PALM2AKAP2: variants seen among roughly 807,000 people sequenced by gnomAD.
PALM2AKAP2 encodes PALM2 and AKAP2 fusion.
Under a neutral mutation model 71.5 loss-of-function variants are expected in PALM2AKAP2, and 37 were observed. The observed-to-expected ratio is 0.52, with a 90% CI of 0.40 to 0.68. PALM2AKAP2 has a LOEUF of 0.68. Among genes scored for constraint, PALM2AKAP2 ranks in the 30% least tolerant of loss-of-function variants. The pLI is 0.00. For missense variants in PALM2AKAP2, 1,224 were observed against 1,191.8 expected, an observed-to-expected ratio of 1.03 and a Z score of -0.40; for synonymous variants, 468 against 478.8, an observed-to-expected ratio of 0.98 and a Z score of 0.29.
chr9:109,896,209 G>T (rs968045140), intron 3 of PALM2AKAP2, among the ~76,000 whole-genome samples: 1 of 151,788 alleles, frequency 6.6e-6, no homozygotes, highest in African/African-American at 2.4e-5. Context: ...AAAAGAAAAA[G>T]AAACCATTAG....
intron 1 of PALM2AKAP2, among the ~76,000 whole-genome samples, chr9:110,082,522 A>G (rs1409409129): frequency 1.3e-5 from 2 of 152,214 alleles, no homozygotes; most frequent in Non-Finnish European, 2.9e-5. Context: ...ACGTACAATA[A>G]AGTTTAGAAC....
intron 1 of PALM2AKAP2, among the ~76,000 whole-genome samples, chr9:109,751,881 C>T (rs1828890681): frequency 6.6e-6 from 1 of 152,032 alleles, no homozygotes; most frequent in South Asian, 2.1e-4. Context: ...ATAGCTATTC[C>T]CAAGGATACC....
At chr9:109,806,960 G>A (rs1348677858) in intron 1 of PALM2AKAP2, among the ~76,000 whole-genome samples, 1 of 152,174 alleles carries the variant, frequency 6.6e-6, no homozygotes, top group Non-Finnish European at 1.5e-5. Flanking sequence ...GGTGAGCTGA[G>A]TTAGTAAGGA....
At chr9:109,772,601 A>G in intron 1 of PALM2AKAP2, among the ~76,000 whole-genome samples, 1 of 152,208 alleles carries the variant, frequency 6.6e-6, no homozygotes. Context: ...TTAGATATGT[A>G]GATCAGAATG....
intron 1 of PALM2AKAP2, among the ~76,000 whole-genome samples, chr9:109,850,473 G>T (rs1828979882): frequency 6.6e-6 from 1 of 152,036 alleles, no homozygotes; most frequent in East Asian, 1.9e-4. Flanking sequence ...TATCACCCAT[G>T]TCCTTGGGTT....
chr9:109,900,490 T>C (rs761769541), intron 3 of PALM2AKAP2, among the ~76,000 whole-genome samples: 1 of 152,194 alleles, frequency 6.6e-6, no homozygotes, highest in Non-Finnish European at 1.5e-5. Flanking sequence ...CTCAAGATAG[T>C]AGAAATTCAA....
intron 1 of PALM2AKAP2, among the ~76,000 whole-genome samples, chr9:109,774,946 T>C (rs1829327748): frequency 6.6e-6 from 1 of 152,236 alleles, no homozygotes; most frequent in Non-Finnish European, 1.5e-5. Context: ...CTTTTGTCAT[T>C]AACAGGACTA....
chr9:109,799,329 C>A (rs746047293), intron 1 of PALM2AKAP2, among the ~76,000 whole-genome samples: 3 of 152,208 alleles, frequency 2.0e-5, no homozygotes, highest in African/African-American at 7.2e-5. Context: ...CTGAGAGCCA[C>A]TGAAGACCTG....
intron 1 of PALM2AKAP2, among the ~76,000 whole-genome samples, chr9:110,065,995 G>T (rs1409593505): frequency 1.3e-5 from 2 of 152,112 alleles, no homozygotes; most frequent in Non-Finnish European, 2.9e-5. Context: ...TCTTGCCCTT[G>T]TTTTTGAGAG....
intron 1 of PALM2AKAP2, among the ~76,000 whole-genome samples, chr9:109,688,950 G>T (rs1363027325): frequency 2.6e-5 from 4 of 152,124 alleles, no homozygotes; most frequent in African/African-American, 9.7e-5. Flanking sequence ...GTGAGTTTGA[G>T]ACTCCAGTTG....
chr9:109,933,145 A>G (rs566503081), intron 6 of PALM2AKAP2, among the ~76,000 whole-genome samples: 2 of 152,372 alleles, frequency 1.3e-5, no homozygotes, highest in South Asian at 2.1e-4. Context: ...TGTAAGTGGT[A>G]TCTGGTCAAT....
rs182051098 is a variant in PALM2AKAP2, at chr9:109,920,802, A to G, written c.258-2933A>G. 3.6e-3 allele frequency among the ~76,000 whole-genome samples: 547 copies of G among 151,540 alleles called. 4 individuals are homozygous for G. The highest frequency in any genetic ancestry group is 0.013 in the African/African-American group (527 of 40,968). On this transcript the variant is annotated intron_variant, in intron 3 of 9. Transcript: ENST00000302798. ...ATGCCTGTAATCACACCTCAAATAA[A>G]TAAATAAATAAATAAATAAAACCTG...
At chr9:109,686,371 G>C (rs1490436770) in intron 1 of PALM2AKAP2, among the ~76,000 whole-genome samples, 1 of 152,216 alleles carries the variant, frequency 6.6e-6, no homozygotes, top group Non-Finnish European at 1.5e-5. Flanking sequence ...AGACTTGAAA[G>C]TTGAAATTAC....
intron 1 of PALM2AKAP2, among the ~76,000 whole-genome samples, chr9:109,687,973 G>A (rs1037210159): frequency 6.6e-6 from 1 of 152,154 alleles, no homozygotes; most frequent in Non-Finnish European, 1.5e-5. Context: ...AGAGACAAAG[G>A]AATGGTTGAT....
chr9:110,027,986 A>G (rs1833213128), intron 7 of PALM2AKAP2, among the ~76,000 whole-genome samples: 1 of 152,182 alleles, frequency 6.6e-6, no homozygotes, highest in Non-Finnish European at 1.5e-5. Flanking sequence ...ATCGCTCTAA[A>G]TTTGGTTCCT....
chr9:110,068,396 G>A lies in PALM2AKAP2; in HGVS notation c.156+19541G>A, dbSNP rs1442046542. Among the ~76,000 whole-genome samples, 4 of 149,680 alleles carry A rather than the reference G, an allele frequency of 2.7e-5. 1 individual carries two copies. Among genetic ancestry groups the A allele is most frequent in the African/African-American group, 1.0e-4 (4 of 39,318 alleles). Reference sequence around the variant, plus strand: ...GAATGACAATGGATTTGGTAACACAGCATGCTAATATCATGCAAATAATGA... The same window carrying A: ...GAATGACAATGGATTTGGTAACACAACATGCTAATATCATGCAAATAATGA... On this transcript the variant is annotated intron_variant, in intron 1 of 3. Coordinates refer to ENST00000374525, the Ensembl canonical transcript of PALM2AKAP2.
chr9:109,862,740 C>A (rs1246984859), intron 1 of PALM2AKAP2, among the ~76,000 whole-genome samples: 1 of 152,224 alleles, frequency 6.6e-6, no homozygotes, highest in Non-Finnish European at 1.5e-5. Flanking sequence ...GAAGACTAGG[C>A]AGATCAAAAT....
intron 1 of PALM2AKAP2, among the ~76,000 whole-genome samples, chr9:109,686,323 A>T (rs1342260567): frequency 6.6e-6 from 1 of 152,226 alleles, no homozygotes; most frequent in Non-Finnish European, 1.5e-5. Flanking sequence ...ATTATCTGTG[A>T]CAGTTATAGC....
intron 1 of PALM2AKAP2, among the ~76,000 whole-genome samples, chr9:110,132,745 A>G (rs907316010): frequency 5.3e-5 from 8 of 151,530 alleles, no homozygotes; most frequent in African/African-American, 1.9e-4. Context: ...AGCTGGGATT[A>G]CAGGTGTACA....
Sources: gnomAD v4.1 joint callset for allele counts (sites outside exome capture counted in the v4.1 genomes callset) on GRCh38, gnomAD v4.1.1 for gene constraint, MANE v1.5 for transcripts, NCBI Gene and HGNC (gene_info 2026-07-23, HGNC 2026-07-21) for gene names.